The following MVB12B variants were observed in gnomAD, a reference collection of about 807,000 sequenced individuals.
MVB12B encodes multivesicular body subunit 12B.
A neutral mutation model predicts 41.6 loss-of-function variants in MVB12B; 16 were observed. The ratio of observed to expected loss-of-function variants is 0.38; its 90% CI spans 0.26 to 0.58. MVB12B has a LOEUF of 0.58. Among genes scored for constraint, MVB12B ranks in the 20% least tolerant of loss-of-function variants. The pLI is 0.62. For missense variants in MVB12B, 274 were observed against 380.2 expected, an observed-to-expected ratio of 0.72 and a Z score of 2.32; for synonymous variants, 133 against 139.7, an observed-to-expected ratio of 0.95 and a Z score of 0.34.
chr9:126,379,427 G>T (rs142179055), intron 2 of MVB12B, among the ~76,000 whole-genome samples: 3,489 of 152,254 alleles, frequency 0.023, 61 homozygotes, highest in Non-Finnish European at 0.037. Flanking sequence ...TGAGACCACT[G>T]CCTTAAATCT....
intron 2 of MVB12B, among the ~76,000 whole-genome samples, chr9:126,346,482 C>T (rs1254008181): frequency 2.6e-5 from 4 of 151,900 alleles, no homozygotes; most frequent in Non-Finnish European, 5.9e-5. Context: ...ACAGCCAGGT[C>T]GGGTGGAGGC....
chr9:126,388,465 T>G (rs1221579431), intron 4 of MVB12B, among the ~76,000 whole-genome samples: 1 of 152,246 alleles, frequency 6.6e-6, no homozygotes, highest in Non-Finnish European at 1.5e-5. Flanking sequence ...TGTTTGTACT[T>G]TTTGGCTGTT....
chr9:126,358,465 T>C (rs1179232577), intron 2 of MVB12B, among the ~76,000 whole-genome samples: 1 of 152,226 alleles, frequency 6.6e-6, no homozygotes, highest in Non-Finnish European at 1.5e-5. Flanking sequence ...TCTTCATTTA[T>C]GTAAGTCCTC....
chr9:126,402,147 GT>G (rs1831285096), intron 6 of MVB12B, among the ~76,000 whole-genome samples: 1 of 152,236 alleles, frequency 6.6e-6, no homozygotes, highest in South Asian at 2.1e-4. Flanking sequence ...GAGGATTGGA[GT>G]TGAAATCTGT....
At chr9:126,364,778 G>A (rs1830119197) in intron 2 of MVB12B, among the ~76,000 whole-genome samples, 1 of 152,176 alleles carries the variant, frequency 6.6e-6, no homozygotes, top group Non-Finnish European at 1.5e-5. Context: ...TTGAGATGGA[G>A]TCTTGCTCTG....
chr9:126,479,591 GT>G (rs923953233), intron 7 of MVB12B, among the ~76,000 whole-genome samples: 3 of 152,230 alleles, frequency 2.0e-5, no homozygotes, highest in African/African-American at 7.2e-5. Context: ...CTGGGGAAGT[GT>G]TGCCTGTTCG....
intron 2 of MVB12B, among the ~76,000 whole-genome samples, chr9:126,352,400 C>T (rs1428111384): frequency 6.6e-6 from 1 of 152,140 alleles, no homozygotes; most frequent in African/African-American, 2.4e-5. Context: ...TTTTATGTGG[C>T]ATTTGGCTGG....
chr9:126,395,436 A>G lies in MVB12B; in HGVS notation c.540-139A>G. On this transcript the variant is annotated intron_variant, in intron 5 of 9. Transcript: ENST00000361171. This position sits in a 1 kb window ranked among gnomAD's most constrained non-coding sequence, Gnocchi z 4.9. ...CCCAGAGCACAAAGGAGACGGTGGA[A>G]CCCATTTCACGTGGAGGGCAAGAAT... 9.9e-7 allele frequency: 1 copy of G among 1,012,708 alleles called. No homozygotes were observed. The highest frequency in any genetic ancestry group is 1.5e-6 in the Non-Finnish European group (1 of 678,658). 62.7% of individuals were successfully genotyped at this position (1,012,708 alleles called of 1,614,324 possible).
chr9:126,501,144 G>A (rs1833947124), intron 9 of MVB12B, among the ~76,000 whole-genome samples: 1 of 152,252 alleles, frequency 6.6e-6, no homozygotes, highest in Non-Finnish European at 1.5e-5. Context: ...CGCGGCCTGT[G>A]CCTGGTGGTT....
In MVB12B at chr9:126,436,626, G is replaced by A. The variant is rs1832485284; in HGVS notation, c.757+14678G>A. 1.3e-5 allele frequency among the ~76,000 whole-genome samples: 2 copies of A among 152,204 alleles called. No homozygotes were observed. The highest frequency in any genetic ancestry group is 1.3e-4 in the Admixed American group (2 of 15,288). On this transcript the variant is annotated intron_variant, in intron 7 of 9. Transcript: ENST00000361171. The surrounding 1 kb of genome is among the most constrained non-coding windows in gnomAD (Gnocchi z 4.1). ...CAGCTGTGGAGCTGTAACTACATCT[G>A]TGAGCAAGATTCCTTATGAAGAGTA...
chr9:126,501,371 G>A (rs1833952473), intron 9 of MVB12B, among the ~76,000 whole-genome samples: 4 of 152,226 alleles, frequency 2.6e-5, no homozygotes, highest in Admixed American at 2.6e-4. Context: ...AGAGGAGCCT[G>A]CCTGAGTAGC....
chr9:126,461,839 G>T (rs1488672466), intron 7 of MVB12B, among the ~76,000 whole-genome samples: 2 of 95,400 alleles, frequency 2.1e-5, no homozygotes, highest in Non-Finnish European at 4.1e-5. Flanking sequence ...CTGGGAGGGG[G>T]TCGGTGCCCG....
At chr9:126,402,307 C>T (rs973316200) in intron 6 of MVB12B, among the ~76,000 whole-genome samples, 2 of 152,252 alleles carry the variant, frequency 1.3e-5, no homozygotes, top group African/African-American at 4.8e-5. Flanking sequence ...GGCAGGTGAG[C>T]TAAGCAATGG....
chr9:126,475,741 C>T (rs1292149850), intron 7 of MVB12B, among the ~76,000 whole-genome samples: 3 of 152,158 alleles, frequency 2.0e-5, no homozygotes, highest in Non-Finnish European at 4.4e-5. Context: ...GTTTTCTAGG[C>T]CATGTGTGGT....
chr9:126,371,616 A>G (rs1830341064), intron 2 of MVB12B, among the ~76,000 whole-genome samples: 1 of 152,194 alleles, frequency 6.6e-6, no homozygotes, highest in Non-Finnish European at 1.5e-5. Flanking sequence ...GTGTAGTCCT[A>G]GATGCACCAG....
At chr9:126,455,601 C>T (rs1190501222) in intron 7 of MVB12B, among the ~76,000 whole-genome samples, 1 of 152,198 alleles carries the variant, frequency 6.6e-6, no homozygotes, top group African/African-American at 2.4e-5. Flanking sequence ...CCTCCCACCC[C>T]AGCCTCCTGA....
intron 7 of MVB12B, among the ~76,000 whole-genome samples, chr9:126,451,933 T>A (rs1832896122): frequency 6.6e-6 from 1 of 152,098 alleles, no homozygotes; most frequent in African/African-American, 2.4e-5. Flanking sequence ...GTTGTCTGAT[T>A]GAGGACACCT....
At position 126,396,955 on chromosome 9, in the gene MVB12B, C is replaced by T. The variant is rs539724651; in HGVS notation, c.662+1258C>T. 26 of 985,592 alleles carry T rather than the reference C, an allele frequency of 2.6e-5. No individual in the cohort carries two copies. The South Asian group carries it at 4.2e-4, about 16-fold the overall frequency. The allele number at this position is 985,592 out of a possible 1,614,324, so 61.1% of individuals were successfully genotyped here. On this transcript the variant is annotated intron_variant, in intron 6 of 9. Coordinates refer to ENST00000361171, the MANE Select transcript of MVB12B (RefSeq NM_033446.3). ...TTCTGAGCCAGAGCGCTGTCAGCTC[C>T]GCCCTGGAGGGCACTGCTGAGGGTC... is the stretch of plus-strand genomic sequence containing the variant.
At chr9:126,433,705 G>A (rs539225061) in intron 7 of MVB12B, among the ~76,000 whole-genome samples, 1 of 152,152 alleles carries the variant, frequency 6.6e-6, no homozygotes, top group Non-Finnish European at 1.5e-5. Flanking sequence ...CAAGATTACT[G>A]AGCCATTGCA....
Sources: gnomAD v4.1 joint callset for allele counts (sites outside exome capture counted in the v4.1 genomes callset) on GRCh38, gnomAD v4.1.1 for gene constraint, Gnocchi (gnomAD v3.1) non-coding constraint, MANE v1.5 for transcripts, NCBI Gene and HGNC (gene_info 2026-07-23, HGNC 2026-07-21) for gene names.